The following PIBF1 variants were observed in gnomAD, a reference collection of about 807,000 sequenced individuals.
The protein encoded by PIBF1 is progesterone-induced-blocking factor 1.
PIBF1 carries 90 observed loss-of-function variants against 112.5 expected under a neutral mutation model. The ratio of observed to expected loss-of-function variants is 0.80; its 90% CI spans 0.67 to 0.95. The LOEUF (loss-of-function observed/expected upper bound fraction) is 0.95. Ranked by LOEUF, PIBF1 falls within the 40% of genes least tolerant of loss-of-function variation. The pLI, the probability that PIBF1 is intolerant of heterozygous loss-of-function variation, is 0.00. For synonymous variants in PIBF1, 301 were observed against 288.6 expected, an observed-to-expected ratio of 1.04 and a Z score of -0.44; for missense variants, 915 against 852.3, an observed-to-expected ratio of 1.07 and a Z score of -0.92.
chr13:72,886,444 A>G (rs1287344296), intron 10 of PIBF1, among the ~76,000 whole-genome samples: 3 of 151,794 alleles, frequency 2.0e-5, no homozygotes, highest in Non-Finnish European at 4.4e-5. Context: ...TAACACTGTT[A>G]TAAAAATTTT....
intron 5 of PIBF1, among the ~76,000 whole-genome samples, chr13:72,813,411 TAACAA>T (rs1321753288): frequency 6.6e-6 from 1 of 152,212 alleles, no homozygotes; most frequent in Non-Finnish European, 1.5e-5. Context: ...TATTGCTGCA[TAACAA>T]ATCACCCTAA....
At chr13:72,784,873 G>GT (rs1228997798) in intron 2 of PIBF1, among the ~76,000 whole-genome samples, 2 of 152,046 alleles carry the variant, frequency 1.3e-5, no homozygotes, top group Admixed American at 6.6e-5. Context: ...GTATTTTGTT[G>GT]TTTTTTGTTG....
chr13:72,864,855 T>C (rs1019151387), intron 10 of PIBF1, among the ~76,000 whole-genome samples: 1 of 152,200 alleles, frequency 6.6e-6, no homozygotes, highest in Non-Finnish European at 1.5e-5. Flanking sequence ...CAGTGTATAT[T>C]CTGGTCCACA....
chr13:72,848,661 G>A (rs905837635), intron 9 of PIBF1, among the ~76,000 whole-genome samples: 21 of 151,946 alleles, frequency 1.4e-4, no homozygotes, highest in African/African-American at 4.8e-4. Flanking sequence ...GTGAAACCCC[G>A]TCTCTACTAA....
chr13:72,974,508 A>G (rs973557425), intron 16 of PIBF1, among the ~76,000 whole-genome samples: 1 of 152,198 alleles, frequency 6.6e-6, no homozygotes, highest in Non-Finnish European at 1.5e-5. Flanking sequence ...TACATTTGCA[A>G]TTCATATATA....
At chr13:72,788,898 G>A (rs1292712419) in intron 2 of PIBF1, among the ~76,000 whole-genome samples, 2 of 152,142 alleles carry the variant, frequency 1.3e-5, no homozygotes, top group Non-Finnish European at 2.9e-5. Context: ...AAATGGTTAT[G>A]GATACATGGC....
chr13:72,931,119 C>A, intron 13 of PIBF1, 46 bp from the exon 14 acceptor site: 1 of 1,089,200 alleles, frequency 9.2e-7, no homozygotes, highest in Non-Finnish European at 1.4e-6. Context: ...ATATTTTGGG[C>A]AGTATTTCAC....
At chr13:72,977,725 G>C (rs1436500459) in intron 16 of PIBF1, among the ~76,000 whole-genome samples, 1 of 152,132 alleles carries the variant, frequency 6.6e-6, no homozygotes, top group Non-Finnish European at 1.5e-5. Context: ...AAAAATATTA[G>C]CTTAAAAGTA....
rs546106415 is a variant in PIBF1, at chr13:72,829,571, C to T, written c.1097+1657C>T. Among the ~76,000 whole-genome samples the T allele has an allele frequency of 2.7e-4, 41 of 152,268 alleles. 2 individuals are homozygous for T. The South Asian group carries it at 7.5e-3, about 28-fold the overall frequency. On this transcript the variant is annotated intron_variant, in intron 8 of 17. Coordinates refer to ENST00000326291, the MANE Select transcript of PIBF1 (RefSeq NM_006346.4). ...CATTGCTTGTTTGTGTCAGGTTTGT[C>T]AAAGATCAGATGGTTGTAGATGTGT...
At position 72,888,207 on chromosome 13, in the gene PIBF1, T is replaced by C. The variant is rs183458859; in HGVS notation, c.1323-5577T>C. ...TTAACAATGAAAGAATTGTTGAGAA[T>C]GGAAAATTATGAGGCCAATTGAAAA... On this transcript the variant is annotated intron_variant, in intron 10 of 17. Coordinates refer to ENST00000326291, the MANE Select transcript of PIBF1 (RefSeq NM_006346.4). Among the ~76,000 whole-genome samples the C allele has an allele frequency of 7.4e-3, 1,131 of 152,240 alleles. 9 individuals carry two copies. Among genetic ancestry groups the C allele is most frequent in the African/African-American group, 0.025 (1,038 of 41,554 alleles).
At chr13:72,885,963 A>C (rs1465907667) in intron 10 of PIBF1, among the ~76,000 whole-genome samples, 2 of 152,128 alleles carry the variant, frequency 1.3e-5, no homozygotes, top group African/African-American at 2.4e-5. Flanking sequence ...TCAGAACACT[A>C]ATTTGGATAA....
At chr13:72,852,662 G>A (rs2138314308) in intron 9 of PIBF1, among the ~76,000 whole-genome samples, 1 of 152,278 alleles carries the variant, frequency 6.6e-6, no homozygotes, top group Middle Eastern at 3.4e-3. Flanking sequence ...GCACCACCAT[G>A]CAAAAGACTA....
intron 14 of PIBF1, among the ~76,000 whole-genome samples, chr13:72,962,795 T>G (rs543098682): frequency 6.6e-6 from 1 of 152,256 alleles, no homozygotes; most frequent in South Asian, 2.1e-4. Context: ...AAAATTCATA[T>G]GGAATTTCAA....
intron 15 of PIBF1, 122 bp downstream of exon 15, chr13:72,965,526 T>A: frequency 1.4e-6 from 1 of 721,752 alleles, no homozygotes; most frequent in Non-Finnish European, 2.2e-6. Context: ...GTCTTAAATG[T>A]AATGAATATT....
chr13:72,812,204 A>T (rs748761232), intron 5 of PIBF1, among the ~76,000 whole-genome samples: 6 of 152,184 alleles, frequency 3.9e-5, no homozygotes, highest in Admixed American at 6.5e-5. Context: ...CTTGATCTGC[A>T]TAGTGTTTCT....
intron 2 of PIBF1, among the ~76,000 whole-genome samples, chr13:72,785,189 G>A (rs898338212): frequency 2.0e-5 from 3 of 152,112 alleles, no homozygotes; most frequent in Admixed American, 2.0e-4. Context: ...AAAAAAATAA[G>A]CACACAAGAC....
intron 9 of PIBF1, among the ~76,000 whole-genome samples, chr13:72,840,896 A>G (rs908864286): frequency 3.9e-5 from 6 of 152,204 alleles, no homozygotes; most frequent in African/African-American, 1.2e-4. Context: ...TTTGTTGTCT[A>G]TACATTGGAG....
At chr13:72,790,115 A>G (rs1476629523) in intron 2 of PIBF1, among the ~76,000 whole-genome samples, 1 of 151,986 alleles carries the variant, frequency 6.6e-6, no homozygotes, top group Admixed American at 6.6e-5. Context: ...GCCCATCACC[A>G]TTTTTTAATT....
At chr13:72,932,281 C>G (rs950631388) in intron 14 of PIBF1, among the ~76,000 whole-genome samples, 5 of 152,030 alleles carry the variant, frequency 3.3e-5, no homozygotes, top group Non-Finnish European at 1.5e-5. Context: ...AACTATTTCT[C>G]TTATAACAAA....
Sources: allele counts gnomAD v4.1 joint callset (sites outside exome capture counted in the v4.1 genomes callset), GRCh38; gene constraint gnomAD v4.1.1; transcripts MANE v1.5; gene names NCBI Gene and HGNC (gene_info 2026-07-23, HGNC 2026-07-21).